Variants in NRP1 observed in about 807,000 individuals in gnomAD.
The protein encoded by NRP1 is neuropilin 1.
In NRP1, 35 loss-of-function variants were observed where a neutral mutation model predicts 106.7. The ratio of observed to expected loss-of-function variants is 0.33; its 90% CI spans 0.25 to 0.43. NRP1 has a LOEUF of 0.43. Among genes scored for constraint, NRP1 ranks in the 20% least tolerant of loss-of-function variants. The probability of loss-of-function intolerance (pLI) is 1.00; values close to 1 mark genes in which losing one functional copy is unlikely to be tolerated. For missense variants in NRP1, 1,024 were observed against 1,170.4 expected (o/e 0.87, Z 1.83); for synonymous variants, 437 against 417.9 (o/e 1.05, Z -0.56).
chr10:33,248,684 C>T (rs1841608535), intron 6 of NRP1, among the ~76,000 whole-genome samples: 1 of 152,196 alleles, frequency 6.6e-6, no homozygotes, highest in African/African-American at 2.4e-5. Context: ...CTTCTCATAC[C>T]TGAGAATTAA....
At position 33,221,197 on chromosome 10, in the gene NRP1, C is replaced by G. The variant is rs548588704; in HGVS notation, c.1282+522G>C. On this transcript the variant is annotated intron_variant, in intron 8 of 16. Transcript: ENST00000374867. ...CTGCACTGCAGCCTGAGTGACAGAG[C>G]AAGACCCTGTCTCAAAATAAAGAAA... is the stretch of plus-strand genomic sequence containing the variant. Among the ~76,000 whole-genome samples, 13 of 152,228 alleles carry G rather than the reference C, an allele frequency of 8.5e-5. No individual in the cohort carries two copies. In the East Asian group the frequency reaches 2.5e-3, roughly 29 times the overall value.
intron 4 of NRP1, among the ~76,000 whole-genome samples, chr10:33,259,244 G>T (rs956033296): frequency 6.6e-6 from 1 of 152,158 alleles, no homozygotes; most frequent in Non-Finnish European, 1.5e-5. Flanking sequence ...AAGACATGCT[G>T]GGTAAATCTG....
At chr10:33,221,902 T>G in intron 7 of NRP1, 39 bp from the exon 8 acceptor site, 1 of 1,580,322 alleles carries the variant, frequency 6.3e-7, no homozygotes, top group Non-Finnish European at 8.7e-7. Context: ...TAGCAGAGGT[T>G]TTGGATTTAA....
intron 4 of NRP1, among the ~76,000 whole-genome samples, chr10:33,257,118 A>G (rs558062970): frequency 6.6e-6 from 1 of 152,366 alleles, no homozygotes; most frequent in South Asian, 2.1e-4. Flanking sequence ...GTTGGAGACT[A>G]CATATACCAA....
chr10:33,328,436 C>T (rs1418379783), intron 2 of NRP1, among the ~76,000 whole-genome samples: 1 of 152,056 alleles, frequency 6.6e-6, no homozygotes, highest in East Asian at 1.9e-4. Context: ...ACCTTATTTC[C>T]CTGACCATGA....
chr10:33,192,395 A>T lies in NRP1; in HGVS notation c.1948T>A (p.Cys650Ser). 1 of 1,613,990 alleles carries T rather than the reference A, an allele frequency of 6.2e-7. No individual in the cohort carries two copies. Among genetic ancestry groups the T allele is most frequent in the Non-Finnish European group, 8.5e-7 (1 of 1,179,938 alleles). The change falls in exon 13 of 17, where the codon TGT (cysteine) becomes AGT (serine). Residue 650 changes from cysteine to serine, a missense_variant. Transcript: ENST00000374867. ...QSEFPTYGFN[C>S]EFGWGSHKTF... is the part of the protein sequence containing the mutation. ...TTGTGAGAGCCCCAGCCAAATTCAC[A>T]GTTAAAACCATATGTTGGAAACTCT...
chr10:33,305,671 T>G (rs1189076429), intron 2 of NRP1, among the ~76,000 whole-genome samples: 1 of 151,940 alleles, frequency 6.6e-6, no homozygotes, highest in African/African-American at 2.4e-5. Context: ...ATGGGTAAAA[T>G]TCTATAGGTT....
chr10:33,297,032 A>G (rs1394631247), intron 2 of NRP1, among the ~76,000 whole-genome samples: 1 of 152,120 alleles, frequency 6.6e-6, no homozygotes, highest in Admixed American at 6.6e-5. Flanking sequence ...AACAAAGAAA[A>G]ACCTTTCATT....
At chr10:33,279,976 C>T (rs1487823810) in intron 2 of NRP1, among the ~76,000 whole-genome samples, 2 of 152,190 alleles carry the variant, frequency 1.3e-5, no homozygotes, top group African/African-American at 4.8e-5. Flanking sequence ...ATGGATTGAG[C>T]CACACTCTCC....
chr10:33,187,914 C>G (rs1208790741), intron 13 of NRP1, among the ~76,000 whole-genome samples: 1 of 152,128 alleles, frequency 6.6e-6, no homozygotes, highest in Non-Finnish European at 1.5e-5. Context: ...TATGTGAGAG[C>G]CCGCCCTTCT....
At chr10:33,260,540 G>A (rs16934292) in intron 4 of NRP1, among the ~76,000 whole-genome samples, 16,859 of 152,122 alleles carry the variant, frequency 0.11, 1,098 homozygotes, top group Middle Eastern at 0.21. Context: ...GATGTGACGT[G>A]AGCTAAGCAT....
At chr10:33,227,101 C>A (rs902777171) in intron 6 of NRP1, among the ~76,000 whole-genome samples, 4 of 152,158 alleles carry the variant, frequency 2.6e-5, no homozygotes, top group African/African-American at 9.6e-5. Flanking sequence ...GTTAGGAAGG[C>A]CAGGAAAAGA....
At chr10:33,195,842 C>T (rs1836742944) in intron 12 of NRP1, among the ~76,000 whole-genome samples, 1 of 152,170 alleles carries the variant, frequency 6.6e-6, no homozygotes, top group Non-Finnish European at 1.5e-5. Context: ...GAACTCTGCA[C>T]TGACTGTGAA....
intron 4 of NRP1, among the ~76,000 whole-genome samples, chr10:33,259,708 G>A (rs1291798705): frequency 1.3e-5 from 2 of 152,058 alleles, no homozygotes; most frequent in Non-Finnish European, 2.9e-5. Context: ...GCCTACAACG[G>A]GCAATGGTGA....
intron 1 of NRP1, among the ~76,000 whole-genome samples, chr10:33,332,449 A>T (rs1848351807): frequency 6.6e-6 from 1 of 152,228 alleles, no homozygotes; most frequent in South Asian, 2.1e-4. Context: ...AGTGTCTGGC[A>T]TCTGTTACAG....
At chr10:33,199,365 T>TTATATATATATATATATATATATATATA (rs57582967) in intron 11 of NRP1, among the ~76,000 whole-genome samples, 7 of 64,270 alleles carry the variant, frequency 1.1e-4, no homozygotes, top group African/African-American at 3.1e-4. Flanking sequence ...CCTGGCTGTT[T>TTATATATATATATATATATATATATATA]TCTATATATA....
intron 10 of NRP1, chr10:33,205,344 C>G (rs1004115924): frequency 6.6e-6 from 1 of 152,250 alleles, no homozygotes; most frequent in African/African-American, 2.4e-5. Flanking sequence ...CCGATCATTT[C>G]TACCTCACTA....
intron 1 of NRP1, among the ~76,000 whole-genome samples, chr10:33,331,779 C>T (rs2804498): frequency 0.61 from 92,260 of 152,076 alleles, 30,809 homozygotes; most frequent in East Asian, 0.78. Flanking sequence ...CATAGATTCT[C>T]ATTGTCACAT....
At position 33,270,658 on chromosome 10, in the gene NRP1, G is replaced by A. The variant is rs772642471; in HGVS notation, c.430+17C>T. On this transcript the variant is annotated intron_variant, in intron 3 of 16. Transcript: ENST00000374867. ...AACTCTTAGTCATTCTTGTTCTACC[G>A]TAAGCTGTTCACTCACCTCTCTTGA... is the stretch of plus-strand genomic sequence containing the variant. 1.9e-5 allele frequency: 31 copies of A among 1,599,954 alleles called. No individual in the cohort carries two copies. The highest frequency in any genetic ancestry group is 5.6e-5 in the South Asian group (5 of 88,550).
Sources: gnomAD v4.1 joint callset for allele counts (sites outside exome capture counted in the v4.1 genomes callset) on GRCh38, gnomAD v4.1.1 for gene constraint, MANE v1.5 for transcripts, NCBI Gene and HGNC (gene_info 2026-07-23, HGNC 2026-07-21) for gene names.